The following ASH1L variants were observed in gnomAD, a reference collection of about 807,000 sequenced individuals.
The protein encoded by ASH1L is ASH1 like histone lysine methyltransferase.
Under a neutral mutation model 269.0 loss-of-function variants are expected in ASH1L, and 23 were observed. That is an observed-to-expected ratio of 0.09 (90% confidence interval 0.06 to 0.12). The LOEUF is 0.12. Among genes scored for constraint, ASH1L ranks in the 10% least tolerant of loss-of-function variants. The probability of loss-of-function intolerance (pLI) is 1.00; values close to 1 mark genes in which losing one functional copy is unlikely to be tolerated. For synonymous variants in ASH1L, 1,187 were observed against 1,253.5 expected (o/e 0.95, Z 1.12); for missense variants, 2,912 against 3,567.8 (o/e 0.82, Z 4.68).
chr1:155,337,053 G>A lies in ASH1L; in HGVS notation c.*607C>T, dbSNP rs1652377173. On this transcript the variant is annotated 3_prime_UTR_variant, in exon 28 of 28. Transcript: ENST00000392403. The stretch of plus-strand genomic sequence containing the variant: ...CATGATTCCATTTTGGGGAGTAGAG[G>A]TAGGGAGGGGGCAGCAGTTACAAGT... The A allele has an allele frequency of 6.6e-6, 1 of 152,430 alleles. No homozygotes were observed. Among genetic ancestry groups the A allele is most frequent in the African/African-American group, 2.4e-5 (1 of 41,452 alleles). The allele number at this position is 152,430 out of a possible 1,614,324, so 9.4% of individuals were successfully genotyped here.
chr1:155,346,648 C>T (rs560512024), intron 20 of ASH1L, among the ~76,000 whole-genome samples, 179 bp from the exon 21 acceptor site: 2 of 152,170 alleles, frequency 1.3e-5, no homozygotes, highest in Non-Finnish European at 1.5e-5. Context: ...AAAATAATGA[C>T]TGTTCTAAGC....
At chr1:155,382,488 ACT>A (rs1657067549) in intron 7 of ASH1L, among the ~76,000 whole-genome samples, 1 of 152,150 alleles carries the variant, frequency 6.6e-6, no homozygotes, top group Non-Finnish European at 1.5e-5. Context: ...ACAGAGCAAG[ACT>A]CTGTCTCAAA....
At chr1:155,433,776 AGCT>A in intron 5 of ASH1L, 1 of 1,605,534 alleles carries the variant, frequency 6.2e-7, no homozygotes, top group Non-Finnish European at 8.5e-7. Context: ...AACATGTGTA[AGCT>A]GCGGCCCTTG....
chr1:155,440,603 A>G (rs1662469702), intron 4 of ASH1L: 2 of 820,438 alleles, frequency 2.4e-6, no homozygotes, highest in Non-Finnish European at 1.5e-6. Flanking sequence ...TCTGAAAATT[A>G]CCAAAACGAA....
Position 155,527,705 on chromosome 1 carries a change from T to C in ASH1L, c.-99-6087A>G, listed in dbSNP as rs541389021. Among the ~76,000 whole-genome samples, 10 of 152,016 alleles carry C rather than the reference T, an allele frequency of 6.6e-5. No individual in the cohort carries two copies. The South Asian group carries it at 1.9e-3, about 28-fold the overall frequency. ...CTAGAAATACAGGCATGTGCCACCA[T>C]GTCCAATTTTTTTTCACTGTTTTAG... On this transcript the variant is annotated intron_variant, in intron 1 of 27. Transcript: ENST00000392403.
chr1:155,549,006 T>C (rs1212075326), intron 1 of ASH1L, among the ~76,000 whole-genome samples: 1 of 152,214 alleles, frequency 6.6e-6, no homozygotes, highest in Non-Finnish European at 1.5e-5. Context: ...AAAAGGATAA[T>C]TGTGTCTGCA....
intron 5 of ASH1L, among the ~76,000 whole-genome samples, chr1:155,418,769 A>C (rs1046741696): frequency 6.6e-6 from 1 of 152,182 alleles, no homozygotes; most frequent in African/African-American, 2.4e-5. Flanking sequence ...CTGATGAAGA[A>C]AACAAAAGAA....
chr1:155,466,358 AAAC>A (rs1386509575), intron 3 of ASH1L, among the ~76,000 whole-genome samples: 1 of 145,924 alleles, frequency 6.9e-6, no homozygotes, highest in Non-Finnish European at 1.5e-5. Context: ...CGTCTCAAAA[AAAC>A]AAAACAAAAC....
chr1:155,478,467 C>T lies in ASH1L; in HGVS notation c.4403G>A (p.Ser1468Asn). The part of the protein sequence containing the change: ...TPLLSMSTYP[S>N]VPPEMAYGWM... ...ACCATAGGCCATCTCAGGAGGAACA[C>T]TGGGGTAGGTACTCATGGAAAGGAG... Residue 1468 changes from serine (S) to asparagine (N), a missense_variant, in exon 3 of 28, where the codon AGT becomes AAT. Ser to Asn is a conservative substitution (Grantham distance 46, BLOSUM62 1). Transcript: ENST00000392403. The surrounding 1 kb of genome is among the most constrained non-coding windows in gnomAD (Gnocchi z 4.6). The T allele has an allele frequency of 6.2e-7, 1 of 1,614,106 alleles. No homozygotes were observed. Among genetic ancestry groups the T allele is most frequent in the Non-Finnish European group, 8.5e-7 (1 of 1,180,028 alleles).
intron 3 of ASH1L, among the ~76,000 whole-genome samples, chr1:155,463,675 G>A (rs576949508): frequency 6.6e-6 from 1 of 152,200 alleles, no homozygotes; most frequent in Non-Finnish European, 1.5e-5. Flanking sequence ...ATACCCTGTA[G>A]TCCCAGTTAC....
chr1:155,438,688 G>A lies in ASH1L; in HGVS notation c.5467C>T (p.Leu1823=). The change falls in exon 5 of 28, where the codon CTA becomes TTA. Residue 1823 remains leucine (L), a synonymous_variant. Coordinates refer to ENST00000392403, the MANE Select transcript of ASH1L (RefSeq NM_018489.3). ...YDKILATKKN[L]DHVNKILKAK... is the part of the protein sequence containing the mutation. Reference sequence around the variant, plus strand: ...TTTAAGATTTTATTGACATGGTCTAGGTTTTTCTTTGTGGCCAAGATTTTG... The same window carrying A: ...TTTAAGATTTTATTGACATGGTCTAAGTTTTTCTTTGTGGCCAAGATTTTG... 3.1e-6 allele frequency: 5 copies of A among 1,614,102 alleles called. No homozygotes were observed. The highest frequency in any genetic ancestry group is 4.2e-6 in the Non-Finnish European group (5 of 1,180,034).
chr1:155,425,729 C>T (rs561832999), intron 5 of ASH1L, among the ~76,000 whole-genome samples: 5 of 152,112 alleles, frequency 3.3e-5, no homozygotes, highest in East Asian at 3.9e-4. Context: ...CCACCACACC[C>T]GGCCAAGCAG....
chr1:155,529,485 T>A (rs2148863615), intron 1 of ASH1L, among the ~76,000 whole-genome samples: 1 of 152,290 alleles, frequency 6.6e-6, no homozygotes, highest in South Asian at 2.1e-4. Context: ...TGCATGTATG[T>A]CTTCTTTTGA....
At chr1:155,344,092 T>A in intron 22 of ASH1L, 91 bp downstream of exon 22, 1 of 1,149,332 alleles carries the variant, frequency 8.7e-7, no homozygotes, top group South Asian at 1.3e-5. Flanking sequence ...CGAGGCCGTA[T>A]GGAGACAATG....
At chr1:155,402,609 C>T (rs181282574) in intron 6 of ASH1L, among the ~76,000 whole-genome samples, 18 of 152,212 alleles carry the variant, frequency 1.2e-4, no homozygotes, top group African/African-American at 2.9e-4. Context: ...TACAGTGGTG[C>T]AATCATAATT....
chr1:155,357,251 T>C, intron 15 of ASH1L, 65 bp downstream of exon 15: 2 of 1,379,300 alleles, frequency 1.5e-6, no homozygotes, highest in South Asian at 1.3e-5. Context: ...AGTTTCATAA[T>C]TTTTTACACA....
chr1:155,393,226 CAATACAG>C (rs1321434972), intron 7 of ASH1L, among the ~76,000 whole-genome samples: 5 of 152,044 alleles, frequency 3.3e-5, no homozygotes, highest in Non-Finnish European at 7.4e-5. Context: ...TCCAGCCACC[CAATACAG>C]AATAATTCAA....
intron 1 of ASH1L, among the ~76,000 whole-genome samples, chr1:155,527,491 T>C (rs1669340157): frequency 6.7e-6 from 1 of 149,934 alleles, no homozygotes; most frequent in Non-Finnish European, 1.5e-5. Flanking sequence ...TTGGCACAGC[T>C]AAACAGCTCC....
At chr1:155,458,442 C>T (rs759718011) in intron 4 of ASH1L, among the ~76,000 whole-genome samples, 50 of 152,174 alleles carry the variant, frequency 3.3e-4, no homozygotes, top group Non-Finnish European at 6.2e-4. Context: ...TGGCTGGGTG[C>T]GGTGGCTCAT....
Sources: allele counts gnomAD v4.1 joint callset (sites outside exome capture counted in the v4.1 genomes callset), GRCh38; gene constraint gnomAD v4.1.1; non-coding constraint Gnocchi (gnomAD v3.1); transcripts MANE v1.5; gene names NCBI Gene and HGNC (gene_info 2026-07-23, HGNC 2026-07-21).